Variants in CSMD2 observed in about 807,000 individuals in gnomAD.
CSMD2 encodes CUB and Sushi multiple domains 2, also known as CUB and sushi domain-containing protein 2.
Under a neutral mutation model 398.5 loss-of-function variants are expected in CSMD2, and 130 were observed. The ratio of observed to expected loss-of-function variants is 0.33; its 90% CI spans 0.28 to 0.38. CSMD2 has a LOEUF of 0.38. Among genes scored for constraint, CSMD2 ranks in the 10% least tolerant of loss-of-function variants. The pLI, the probability that CSMD2 is intolerant of heterozygous loss-of-function variation, is 1.00. For missense variants in CSMD2, 3,829 were observed against 4,764.9 expected (o/e 0.80, Z 5.78); for synonymous variants, 1,828 against 1,908.5 (o/e 0.96, Z 1.10).
At chr1:33,983,863 T>G (rs193180628) in intron 3 of CSMD2, among the ~76,000 whole-genome samples, 522 of 152,018 alleles carry the variant, frequency 3.4e-3, no homozygotes, top group African/African-American at 0.011. Flanking sequence ...TTATGAAAAA[T>G]GGACATAGGC....
intron 3 of CSMD2, among the ~76,000 whole-genome samples, chr1:33,953,478 C>G (rs1306821409): frequency 6.6e-6 from 1 of 152,178 alleles, no homozygotes; most frequent in African/African-American, 2.4e-5. Flanking sequence ...GCCCAGCTGA[C>G]CCAGGAACCT....
Position 34,003,860 on chromosome 1 carries a change from C to T in CSMD2, c.517+28734G>A, listed in dbSNP as rs551766846. ...GCTTTAGATGGAAGAAGTCTTGGTC[C>T]GAGGCCTTTCAGGCTGATCCAAGAG... On this transcript the variant is annotated intron_variant, in intron 3 of 70. Coordinates refer to ENST00000373381, the MANE Select transcript of CSMD2 (RefSeq NM_001281956.2). Among the ~76,000 whole-genome samples, 19 of 152,262 alleles carry T rather than the reference C, an allele frequency of 1.2e-4. No individual in the cohort carries two copies. In the South Asian group the frequency reaches 3.7e-3, roughly 30 times the overall value.
At position 34,164,104 on chromosome 1, in the gene CSMD2, A is replaced by C. The variant is rs530752412; in HGVS notation, c.187+807T>G. Among the ~76,000 whole-genome samples the C allele has an allele frequency of 6.6e-6, 1 of 152,234 alleles. No individual in the cohort carries two copies. The highest frequency in any genetic ancestry group is 6.5e-5 in the Admixed American group (1 of 15,298). On this transcript the variant is annotated intron_variant, in intron 1 of 70. Transcript: ENST00000373381. This position sits in a 1 kb window ranked among gnomAD's most constrained non-coding sequence, Gnocchi z 6.2. ...TGCCGCAGCCGAGGCGCTCGGCTGC[A>C]GCAGGGCGCGGGAAAGGGCACTTTG...
At chr1:33,974,503 A>G (rs1430155630) in intron 3 of CSMD2, among the ~76,000 whole-genome samples, 3 of 152,256 alleles carry the variant, frequency 2.0e-5, no homozygotes, top group Non-Finnish European at 2.9e-5. Context: ...ATATATTGCA[A>G]AAGTCCCAGA....
chr1:33,894,467 A>T (rs1255761406), intron 5 of CSMD2, among the ~76,000 whole-genome samples: 1 of 151,906 alleles, frequency 6.6e-6, no homozygotes, highest in Non-Finnish European at 1.5e-5. Flanking sequence ...TCATTCAATG[A>T]CTTTCAGGAA....
chr1:33,826,719 C>T (rs912853364), intron 6 of CSMD2, among the ~76,000 whole-genome samples: 3 of 152,212 alleles, frequency 2.0e-5, no homozygotes, highest in Admixed American at 6.5e-5. Context: ...AAGGCCATTC[C>T]TCTGTACCCA....
intron 13 of CSMD2, among the ~76,000 whole-genome samples, chr1:33,759,328 T>TTTC (rs1557851094): frequency 2.0e-4 from 14 of 69,758 alleles, no homozygotes; most frequent in African/African-American, 7.3e-4. Context: ...TTTTTTCTTT[T>TTTC]TTTTTTTTTT....
At chr1:33,930,940 AGACCAAG>A (rs1644293265) in intron 4 of CSMD2, among the ~76,000 whole-genome samples, 1 of 152,164 alleles carries the variant, frequency 6.6e-6, no homozygotes, top group Non-Finnish European at 1.5e-5. Context: ...CTGTGTCCCC[AGACCAAG>A]TCCACCCTCC....
chr1:33,560,804 T>A (rs1407791093), intron 53 of CSMD2, among the ~76,000 whole-genome samples: 1 of 152,248 alleles, frequency 6.6e-6, no homozygotes, highest in Non-Finnish European at 1.5e-5. Context: ...TTTTGCTTAT[T>A]GCTGCATCCT....
intron 2 of CSMD2, among the ~76,000 whole-genome samples, chr1:34,039,496 T>C (rs1243862943): frequency 6.6e-6 from 1 of 152,196 alleles, no homozygotes; most frequent in African/African-American, 2.4e-5. Flanking sequence ...TTTTCACTTG[T>C]AGGTTTTGTT....
intron 3 of CSMD2, among the ~76,000 whole-genome samples, chr1:34,007,103 CG>C (rs147087161): frequency 0.012 from 1,890 of 152,186 alleles, 33 homozygotes; most frequent in African/African-American, 0.044. Context: ...TTATTTAAGT[CG>C]AAGTCCAGAA....
chr1:33,681,395 A>C (rs187976023), intron 25 of CSMD2, among the ~76,000 whole-genome samples: 12 of 152,216 alleles, frequency 7.9e-5, no homozygotes, highest in Admixed American at 5.2e-4. Flanking sequence ...CTAATCATCA[A>C]ATTTAAGAAA....
intron 25 of CSMD2, among the ~76,000 whole-genome samples, chr1:33,667,831 T>C (rs1644364879): frequency 6.6e-6 from 1 of 152,148 alleles, no homozygotes; most frequent in African/African-American, 2.4e-5. Context: ...TTCAAGCCCC[T>C]TTCGGCACTC....
intron 21 of CSMD2, 39 bp downstream of exon 21, chr1:33,714,548 C>A: frequency 6.2e-7 from 1 of 1,603,338 alleles, no homozygotes; most frequent in Non-Finnish European, 8.5e-7. Flanking sequence ...TCTGTCCCAC[C>A]CCATTAGTGA....
In CSMD2 at chr1:33,559,278, T is replaced by C; in HGVS notation, c.8554+22A>G. 6.5e-7 allele frequency: 1 copy of C among 1,532,980 alleles called. No homozygotes were observed. Among genetic ancestry groups the C allele is most frequent in the Non-Finnish European group, 8.7e-7 (1 of 1,145,820 alleles). The allele number at this position is 1,532,980 out of a possible 1,614,324, so 95.0% of individuals were successfully genotyped here. ...ATAGCAGAGATGGTGGGGACTGGAT[T>C]GGGAGAGAAAGGGTGACTCACTTCT... On this transcript the variant is annotated intron_variant, in intron 54 of 70. Transcript: ENST00000373381. This position sits in a 1 kb window ranked among gnomAD's most constrained non-coding sequence, Gnocchi z 4.0.
At chr1:33,906,223 C>T (rs1286393593) in intron 5 of CSMD2, among the ~76,000 whole-genome samples, 2 of 152,148 alleles carry the variant, frequency 1.3e-5, no homozygotes, top group Non-Finnish European at 2.9e-5. Flanking sequence ...AAGGAAGTGG[C>T]AAGATGTGAG....
rs35436778 is a variant in CSMD2 at position 34,125,507 on chromosome 1, C to CTGTGTGTG, written c.188-36322_188-36315dup. ...CAAGCACACTTCCCATCAACCTTGG[C>CTGTGTGTG]TGTGTGTGTGTGTGTGTGTGTGTGT... On this transcript the variant is annotated intron_variant, in intron 1 of 70. Transcript: ENST00000373381. Among the ~76,000 whole-genome samples the CTGTGTGTG allele has an allele frequency of 6.4e-3, 903 of 141,180 alleles. 4 individuals carry two copies. The highest frequency in any genetic ancestry group is 0.019 in the East Asian group (83 of 4,482). 92.6% of individuals were successfully genotyped at this position (141,180 alleles called of 152,430 possible).
At chr1:34,035,568 T>C (rs1179500899) in intron 2 of CSMD2, among the ~76,000 whole-genome samples, 1 of 152,032 alleles carries the variant, frequency 6.6e-6, no homozygotes, top group African/African-American at 2.4e-5. Context: ...AATCAATCAG[T>C]GTAATCTACC....
In CSMD2 at chr1:33,636,631, T is replaced by C; in HGVS notation, c.4775-77A>G. 2 of 1,271,080 alleles carry C rather than the reference T, an allele frequency of 1.6e-6. No individual in the cohort carries two copies. The highest frequency in any genetic ancestry group is 2.2e-6 in the Non-Finnish European group (2 of 892,952). 78.7% of individuals were successfully genotyped at this position (1,271,080 alleles called of 1,614,324 possible). The stretch of plus-strand genomic sequence containing the variant: ...GGCTATTCTTGGGCTCCAGTGCCCA[T>C]GAGGAGAACCCGACTTTAATTAGCC... On this transcript the variant is annotated intron_variant, in intron 29 of 70. Transcript: ENST00000373381. This position sits in a 1 kb window ranked among gnomAD's most constrained non-coding sequence, Gnocchi z 4.8.
Sources: gnomAD v4.1 joint callset for allele counts (sites outside exome capture counted in the v4.1 genomes callset) on GRCh38, gnomAD v4.1.1 for gene constraint, Gnocchi (gnomAD v3.1) non-coding constraint, MANE v1.5 for transcripts, NCBI Gene and HGNC (gene_info 2026-07-23, HGNC 2026-07-21) for gene names.